The following ANKRD42 variants were observed in gnomAD, a reference collection of about 807,000 sequenced individuals.
ANKRD42 encodes the protein ankyrin repeat domain-containing protein 42.
A neutral mutation model predicts 51.5 loss-of-function variants in ANKRD42; 43 were observed. The ratio of observed to expected loss-of-function variants is 0.83; its 90% CI spans 0.65 to 1.08. The LOEUF (loss-of-function observed/expected upper bound fraction) is 1.08, where lower values mean the gene tolerates loss of function less well. Ranked by LOEUF, ANKRD42 falls within the 50% of genes least tolerant of loss-of-function variation. The pLI is 0.00. For missense variants in ANKRD42, 608 were observed against 629.3 expected, an observed-to-expected ratio of 0.97 and a Z score of 0.36; for synonymous variants, 203 against 213.0, an observed-to-expected ratio of 0.95 and a Z score of 0.41.
At chr11:83,216,610 C>T (rs1862545215) in intron 5 of ANKRD42, among the ~76,000 whole-genome samples, 1 of 152,194 alleles carries the variant, frequency 6.6e-6, no homozygotes, top group Non-Finnish European at 1.5e-5. Context: ...AGGCGTGAGC[C>T]ACCGCGCCCG....
chr11:83,225,782 GA>G (rs59860833), intron 6 of ANKRD42, among the ~76,000 whole-genome samples: 7,939 of 88,712 alleles, frequency 0.089, 305 homozygotes, highest in South Asian at 0.17. Flanking sequence ...CTCCATCCTG[GA>G]AAAAAAAAAA....
Position 83,211,119 on chromosome 11 carries a change from A to G in ANKRD42, c.451-176A>G, listed in dbSNP as rs990368167. On this transcript the variant is annotated intron_variant, in intron 4 of 10. Transcript: ENST00000533342. ...CGTTCTTTTGAAAAGCCTGTTTTAT[A>G]AAATTTTATTAGCTCATATATTCAA... 1.2e-4 allele frequency: 97 copies of G among 792,842 alleles called. 1 individual carries two copies. The South Asian group carries it at 1.5e-3, about 12-fold the overall frequency. 49.1% of individuals were successfully genotyped at this position (792,842 alleles called of 1,614,324 possible). A position where few individuals can be genotyped will look rare whatever the true frequency, so the allele number is the denominator to read the frequency against.
intron 5 of ANKRD42, among the ~76,000 whole-genome samples, chr11:83,220,761 G>T (rs1862695494): frequency 6.6e-6 from 1 of 152,000 alleles, no homozygotes; most frequent in Non-Finnish European, 1.5e-5. Context: ...AGACAAACTG[G>T]GGCACCTTTA....
downstream of ANKRD42, chr11:83,260,313 C>G (rs548273355): frequency 6.6e-6 from 1 of 152,282 alleles, no homozygotes; most frequent in Admixed American, 6.5e-5. Context: ...TGGCATATAG[C>G]AGGCAGTCAT....
chr11:83,230,363 A>G (rs1377539873), intron 7 of ANKRD42, among the ~76,000 whole-genome samples: 3 of 151,950 alleles, frequency 2.0e-5, no homozygotes, highest in Non-Finnish European at 4.4e-5. Context: ...CATGCTTTCT[A>G]TTTTTTGGTA....
chr11:83,215,973 T>C (rs545564937), intron 5 of ANKRD42, among the ~76,000 whole-genome samples: 81 of 152,296 alleles, frequency 5.3e-4, no homozygotes, highest in African/African-American at 1.9e-3. Flanking sequence ...TTTTGTATTT[T>C]TCATAGAGAT....
At chr11:83,218,033 T>C (rs1275141460) in intron 5 of ANKRD42, among the ~76,000 whole-genome samples, 3 of 152,254 alleles carry the variant, frequency 2.0e-5, no homozygotes, top group Non-Finnish European at 4.4e-5. Context: ...TTTCTCCTAA[T>C]GTCAGCCACT....
In ANKRD42 at chr11:83,217,582, AC is replaced by A. The variant is rs541787366; in HGVS notation, c.586+6153del. On this transcript the variant is annotated intron_variant, in intron 5 of 10. Coordinates refer to ENST00000533342, the MANE Select transcript of ANKRD42 (RefSeq NM_001300975.2). Reference sequence around the variant, plus strand: ...CCACTTCCTGGCCCTCAGTGGTCAAACTTACCTGGGGCTCTGTGAGGGTGAT... The same window carrying A: ...CCACTTCCTGGCCCTCAGTGGTCAAATTACCTGGGGCTCTGTGAGGGTGAT... 1.3e-3 allele frequency among the ~76,000 whole-genome samples: 203 copies of A among 152,272 alleles called. 1 individual carries two copies. Among genetic ancestry groups the A allele is most frequent in the African/African-American group, 4.7e-3 (194 of 41,550 alleles).
At chr11:83,215,382 G>T (rs1862495548) in intron 5 of ANKRD42, among the ~76,000 whole-genome samples, 1 of 152,092 alleles carries the variant, frequency 6.6e-6, no homozygotes, top group Non-Finnish European at 1.5e-5. Context: ...GCAGCCTATA[G>T]TTGGGTCATG....
At chr11:83,253,430 A>G (rs1205410204), downstream of ANKRD42, among the ~76,000 whole-genome samples, 1 of 152,236 alleles carries the variant, frequency 6.6e-6, no homozygotes, top group East Asian at 1.9e-4. Flanking sequence ...TAAGAATTCC[A>G]TATATCCCAG....
At chr11:83,212,091 A>AT (rs952991720) in intron 5 of ANKRD42, among the ~76,000 whole-genome samples, 13 of 148,250 alleles carry the variant, frequency 8.8e-5, no homozygotes, top group East Asian at 5.9e-4. Context: ...TAAATTTTTT[A>AT]TTTTTTTTTT....
intron 2 of ANKRD42, among the ~76,000 whole-genome samples, chr11:83,202,107 AG>A (rs1372174792): frequency 2.0e-5 from 3 of 152,156 alleles, no homozygotes; most frequent in African/African-American, 4.8e-5. Context: ...TTTTTCTTCT[AG>A]GGCTTTTATG....
intron 5 of ANKRD42, among the ~76,000 whole-genome samples, chr11:83,215,949 C>T (rs1862513396): frequency 6.6e-6 from 1 of 152,162 alleles, no homozygotes; most frequent in South Asian, 2.1e-4. Flanking sequence ...TGCCCACCCC[C>T]ATGCCCAGCT....
At position 83,214,474 on chromosome 11, in the gene ANKRD42, A is replaced by T. The variant is rs1388922326; in HGVS notation, c.586+3044A>T. 1.1e-5 allele frequency: 11 copies of T among 978,996 alleles called. No individual in the cohort carries two copies. In the South Asian group the frequency reaches 4.2e-4, roughly 38 times the overall value. 60.6% of individuals were successfully genotyped at this position (978,996 alleles called of 1,614,324 possible). A position where few individuals can be genotyped will look rare whatever the true frequency, so the allele number is the denominator to read the frequency against. On this transcript the variant is annotated intron_variant, in intron 5 of 10. Coordinates refer to ENST00000533342, the MANE Select transcript of ANKRD42 (RefSeq NM_001300975.2). ...AAAAAATCCAATTGTTTCTTTAAACATGTATGATTATTTTATTTATAACCA... is the reference window on the plus strand; with the variant it reads ...AAAAAATCCAATTGTTTCTTTAAACTTGTATGATTATTTTATTTATAACCA...
intron 7 of ANKRD42, among the ~76,000 whole-genome samples, chr11:83,231,911 T>C (rs781481200): frequency 6.6e-6 from 1 of 151,320 alleles, no homozygotes; most frequent in Non-Finnish European, 1.5e-5. Context: ...TAGTCGGGCA[T>C]GATGGTGTGT....
Position 83,248,256 on chromosome 11 carries a change from T to TAAAA in ANKRD42, c.*54_*55insAAAA, listed in dbSNP as rs1454561151. The TAAAA allele has an allele frequency of 3.5e-6, 5 of 1,444,818 alleles. No individual in the cohort carries two copies. In the East Asian group the frequency reaches 1.2e-4, roughly 36 times the overall value. 89.5% of individuals were successfully genotyped at this position (1,444,818 alleles called of 1,614,324 possible). On this transcript the variant is annotated 3_prime_UTR_variant, in exon 11 of 11. Coordinates refer to ENST00000533342, the MANE Select transcript of ANKRD42 (RefSeq NM_001300975.2). The stretch of plus-strand genomic sequence containing the variant: ...TGCCTCAACTATAAACTGGAGATGA[T>TAAAA]AACTTATACTTTCTAGAGCTGATGA...
At chr11:83,222,794 GTCTT>G (rs1862754480) in intron 5 of ANKRD42, among the ~76,000 whole-genome samples, 1 of 152,168 alleles carries the variant, frequency 6.6e-6, no homozygotes, top group Non-Finnish European at 1.5e-5. Context: ...CTTCTTTCCT[GTCTT>G]TCTCATTGTG....
chr11:83,237,291 A>G (rs1863251867), intron 8 of ANKRD42, among the ~76,000 whole-genome samples: 1 of 152,198 alleles, frequency 6.6e-6, no homozygotes, highest in Non-Finnish European at 1.5e-5. Flanking sequence ...TTCTGTTTGA[A>G]AGTTGTAAGG....
At chr11:83,242,041 G>A (rs1317324349) in intron 9 of ANKRD42, among the ~76,000 whole-genome samples, 1 of 152,178 alleles carries the variant, frequency 6.6e-6, no homozygotes, top group African/African-American at 2.4e-5. Flanking sequence ...AGTTCCTGAT[G>A]TAGGCCTGTA....
Sources: allele counts gnomAD v4.1 joint callset (sites outside exome capture counted in the v4.1 genomes callset), GRCh38; gene constraint gnomAD v4.1.1; transcripts MANE v1.5; gene names NCBI Gene and HGNC (gene_info 2026-07-23, HGNC 2026-07-21).